Variants in POLN observed in about 807,000 individuals in gnomAD.
POLN encodes DNA polymerase nu, also known as DNA polymerase N.
In POLN, 108 loss-of-function variants were observed where a neutral mutation model predicts 113.5. The ratio of observed to expected loss-of-function variants is 0.95; its 90% CI spans 0.81 to 1.12. The LOEUF (loss-of-function observed/expected upper bound fraction) is 1.12. Ranked by LOEUF, POLN falls within the 50% of genes most tolerant of loss-of-function variation. POLN has a pLI of 0.00. For missense variants in POLN, 1,097 were observed against 1,077.1 expected (o/e 1.02, Z -0.26); for synonymous variants, 386 against 391.5 (o/e 0.99, Z 0.17).
At chr4:2,182,392 G>A (rs1046883463) in intron 7 of POLN, among the ~76,000 whole-genome samples, 1 of 152,188 alleles carries the variant, frequency 6.6e-6, no homozygotes, top group Non-Finnish European at 1.5e-5. Flanking sequence ...GAGGGAAAAG[G>A]CCACATGAGG....
chr4:2,198,681 C>T lies in POLN; in HGVS notation c.751G>A (p.Val251Ile), dbSNP rs148963058. 1.6e-5 allele frequency: 26 copies of T among 1,612,794 alleles called. No homozygotes were observed. In the African/African-American group the frequency reaches 2.5e-4, roughly 16 times the overall value. The change falls in exon 6 of 26, where the codon GTA becomes ATA. Residue 251 changes from valine (V) to isoleucine (I), a missense_variant. Physicochemically the swap from Val to Ile is conservative, Grantham distance 29. Transcript: ENST00000511885. The stretch of plus-strand genomic sequence containing the variant: ...TGGCCACCCTCTGCTTGGCGTTTTA[C>T]TAACACCACAATTCCTCTAACAGAA... ...VSSVRGIVVL[V>I]KRQAEGGHGC... is the part of the protein sequence containing the mutation.
intron 16 of POLN, among the ~76,000 whole-genome samples, chr4:2,152,941 C>T (rs1190040945): frequency 6.6e-6 from 1 of 152,200 alleles, no homozygotes; most frequent in African/African-American, 2.4e-5. Flanking sequence ...AATGTAATAT[C>T]CTCTGTACCC....
intron 9 of POLN, among the ~76,000 whole-genome samples, chr4:2,175,126 A>G (rs1022050300): frequency 3.3e-5 from 5 of 152,094 alleles, no homozygotes; most frequent in Admixed American, 3.3e-4. Context: ...ACCCAACCAA[A>G]AAGCCTAAAT....
chr4:2,188,456 C>T (rs1435912139), intron 7 of POLN, among the ~76,000 whole-genome samples: 4 of 152,038 alleles, frequency 2.6e-5, no homozygotes, highest in East Asian at 1.9e-4. Flanking sequence ...AAAAAATTAG[C>T]CGGGCCTGGT....
intron 19 of POLN, among the ~76,000 whole-genome samples, chr4:2,106,255 G>A (rs1689048259): frequency 6.6e-6 from 1 of 152,168 alleles, no homozygotes; most frequent in Non-Finnish European, 1.5e-5. Context: ...TGTTAAATGG[G>A]GAATTTTCAC....
Position 2,208,518 on chromosome 4 carries a change from A to C in POLN, c.214-31T>G, listed in dbSNP as rs568708698. ...GAAAAATGGAAAATATTTCATTAGA[A>C]TATGGACTCATAAGACAGATCTATA... On this transcript the variant is annotated intron_variant, in intron 4 of 25. Coordinates refer to ENST00000511885, the MANE Select transcript of POLN (RefSeq NM_181808.4). 3.5e-6 allele frequency: 5 copies of C among 1,448,686 alleles called. No individual in the cohort carries two copies. The East Asian group carries it at 9.1e-5, about 26-fold the overall frequency. The allele number at this position is 1,448,686 out of a possible 1,614,324, so 89.7% of individuals were successfully genotyped here.
At chr4:2,087,760 TG>T (rs796475534) in intron 20 of POLN, among the ~76,000 whole-genome samples, 35 of 152,308 alleles carry the variant, frequency 2.3e-4, no homozygotes, top group African/African-American at 8.2e-4. Context: ...TTTAGGAATT[TG>T]GGGTTATATA....
At chr4:2,118,915 A>G (rs915119307) in intron 19 of POLN, among the ~76,000 whole-genome samples, 10 of 152,238 alleles carry the variant, frequency 6.6e-5, no homozygotes, top group Admixed American at 6.5e-4. Flanking sequence ...AGAGATGAAG[A>G]GGAACCACGT....
chr4:2,085,865 T>A, intron 20 of POLN, 121 bp from the exon 21 acceptor site: 1 of 1,362,864 alleles, frequency 7.3e-7, no homozygotes, highest in Non-Finnish European at 1.0e-6. Flanking sequence ...GGGATGGAGT[T>A]GGCGTTGACT....
At chr4:2,089,513 G>T in intron 20 of POLN, 3 of 1,304,420 alleles carry the variant, frequency 2.3e-6, no homozygotes, top group South Asian at 1.4e-5. Context: ...TGGGAAAACT[G>T]CAAATTATCA....
rs1442670311 is a variant in POLN, at chr4:2,241,645, T to C, written c.-138A>G. The C allele has an allele frequency of 4.1e-6, 4 of 985,256 alleles. No individual in the cohort carries two copies. The highest frequency in any genetic ancestry group is 3.5e-5 in the African/African-American group (2 of 57,212). 61.0% of individuals were successfully genotyped at this position (985,256 alleles called of 1,614,324 possible). On this transcript the variant is annotated 5_prime_UTR_variant, in exon 2 of 26. Transcript: ENST00000511885. Reference sequence around the variant, plus strand: ...CTTCGGGCCGGCCTTCAGCCAGCGCTGAGGCAGCCCCGACGCCAGGGCCGC... The same window carrying C: ...CTTCGGGCCGGCCTTCAGCCAGCGCCGAGGCAGCCCCGACGCCAGGGCCGC...
intron 20 of POLN, among the ~76,000 whole-genome samples, chr4:2,092,024 C>T (rs759829210): frequency 3.9e-5 from 6 of 152,128 alleles, no homozygotes; most frequent in East Asian, 1.9e-4. Context: ...AAACTCAGCT[C>T]GGGTGTTGCT....
At position 2,213,126 on chromosome 4, in the gene POLN, G is replaced by A. The variant is rs761833932; in HGVS notation, c.134C>T (p.Thr45Ile). The change falls in exon 4 of 26, where the codon ACT (threonine) becomes ATT (isoleucine). Residue 45 changes from threonine (T) to isoleucine (I), a missense_variant and splice_region_variant. Coordinates refer to ENST00000511885, the MANE Select transcript of POLN (RefSeq NM_181808.4). Reference sequence around the variant, plus strand: ...ACTGGACTTGTTTATCACTTCCATAGCTTTTAAAAACAACAAAAAAGAAAC... The same window carrying A: ...ACTGGACTTGTTTATCACTTCCATAACTTTTAAAAACAACAAAAAAGAAAC... The part of the protein sequence containing the change: ...DSKTWGKSTE[T>I]MEVINKSSVK... 2.5e-6 allele frequency: 4 copies of A among 1,584,068 alleles called. No individual in the cohort carries two copies. The highest frequency in any genetic ancestry group is 3.4e-6 in the Non-Finnish European group (4 of 1,166,906).
At chr4:2,138,544 T>A (rs950294707) in intron 16 of POLN, among the ~76,000 whole-genome samples, 1 of 152,138 alleles carries the variant, frequency 6.6e-6, no homozygotes, top group Admixed American at 6.5e-5. Context: ...GTGTGACCAG[T>A]TGAGCTGAGG....
At chr4:2,183,174 T>C (rs1577748854) in intron 7 of POLN, among the ~76,000 whole-genome samples, 2 of 152,176 alleles carry the variant, frequency 1.3e-5, no homozygotes, top group African/African-American at 4.8e-5. Flanking sequence ...GGCAAGGATG[T>C]GGGGAAGTTA....
chr4:2,157,909 A>G lies in POLN; in HGVS notation c.1614T>C (p.Val538=). ...LPKIILEYRQ[V]HKIKSTFVDG... The stretch of plus-strand genomic sequence containing the variant: ...CTACAAAGGTTGACTTGATCTTGTG[A>G]ACCTAAGGTGGAAAGACAAGAATAA... The change falls in exon 15 of 26, where the codon GTT becomes GTC. Residue 538 remains valine (V), a splice_region_variant and synonymous_variant. Transcript: ENST00000511885. The G allele has an allele frequency of 6.2e-7, 1 of 1,604,574 alleles. No individual in the cohort carries two copies. The highest frequency in any genetic ancestry group is 8.5e-7 in the Non-Finnish European group (1 of 1,173,072).
intron 7 of POLN, among the ~76,000 whole-genome samples, chr4:2,180,769 G>T (rs1255534434): frequency 1.3e-5 from 2 of 152,164 alleles, no homozygotes; most frequent in Non-Finnish European, 2.9e-5. Flanking sequence ...AGAATGCTCT[G>T]GGAGATGGTC....
At chr4:2,161,383 AG>A (rs541675281) in intron 13 of POLN, among the ~76,000 whole-genome samples, 196 of 152,288 alleles carry the variant, frequency 1.3e-3, no homozygotes, top group African/African-American at 4.1e-3. Context: ...CGGCCCTGCT[AG>A]CCCGGGCAAT....
intron 20 of POLN, 102 bp downstream of exon 20, chr4:2,095,749 G>A: frequency 9.7e-7 from 1 of 1,025,766 alleles, no homozygotes; most frequent in Middle Eastern, 2.1e-4. Context: ...AACACCCAGG[G>A]ACTCACAGAC....
Sources: gnomAD v4.1 joint callset for allele counts (sites outside exome capture counted in the v4.1 genomes callset) on GRCh38, gnomAD v4.1.1 for gene constraint, MANE v1.5 for transcripts, NCBI Gene and HGNC (gene_info 2026-07-23, HGNC 2026-07-21) for gene names.